Variants in ITPR2 observed in about 807,000 individuals in gnomAD.
ITPR2 encodes inositol 1,4,5-trisphosphate-gated calcium channel ITPR2.
Under a neutral mutation model 317.1 loss-of-function variants are expected in ITPR2, and 207 were observed. That is an observed-to-expected ratio of 0.65 (90% CI 0.58 to 0.73). ITPR2 has a LOEUF of 0.73. Ranked by LOEUF, ITPR2 falls within the 30% of genes least tolerant of loss-of-function variation. The pLI, the probability that ITPR2 is intolerant of heterozygous loss-of-function variation, is 0.00. For missense variants in ITPR2, 2,613 were observed against 3,284.0 expected (o/e 0.80, Z 4.99); for synonymous variants, 1,156 against 1,149.1 (o/e 1.01, Z -0.12).
chr12:26,589,845 TATATATATACACACAC>T (rs1945650458), intron 32 of ITPR2, among the ~76,000 whole-genome samples: 9 of 29,292 alleles, frequency 3.1e-4, no homozygotes, highest in Admixed American at 4.4e-4. Flanking sequence ...TATATATATA[TATATATATACACACAC>T]ACACACACAC....
At chr12:26,795,150 G>C (rs543550914) in intron 1 of ITPR2, among the ~76,000 whole-genome samples, 1 of 152,210 alleles carries the variant, frequency 6.6e-6, no homozygotes, top group South Asian at 2.1e-4. Flanking sequence ...GCCATATCTA[G>C]AAACTCAACA....
At chr12:26,585,243 T>C (rs995705092) in intron 32 of ITPR2, among the ~76,000 whole-genome samples, 1 of 152,218 alleles carries the variant, frequency 6.6e-6, no homozygotes, top group African/African-American at 2.4e-5. Context: ...TTCTAGATTA[T>C]GTGTTTCACA....
chr12:26,830,704 TA>T (rs1240470521), intron 1 of ITPR2, among the ~76,000 whole-genome samples: 4 of 152,066 alleles, frequency 2.6e-5, no homozygotes, highest in Non-Finnish European at 4.4e-5. Flanking sequence ...AATTAGACAC[TA>T]AAAAAAAGTT....
chr12:26,493,151 C>G (rs780010889), intron 39 of ITPR2, among the ~76,000 whole-genome samples: 2 of 152,106 alleles, frequency 1.3e-5, no homozygotes, highest in African/African-American at 4.8e-5. Context: ...ATTTTAAACA[C>G]TTTCTTTTCT....
chr12:26,440,677 T>C (rs1301294472), intron 46 of ITPR2, among the ~76,000 whole-genome samples: 1 of 152,108 alleles, frequency 6.6e-6, no homozygotes, highest in African/African-American at 2.4e-5. Context: ...AAATCAATTG[T>C]ACAAAATAAT....
In ITPR2 at chr12:26,652,250, G is replaced by A. The variant is rs1363955808; in HGVS notation, c.2740+1726C>T. ...ATGAATGTTTATTTTTCTACTTACA[G>A]TAACTAGCATTTGCACTGTCCCCTC... On this transcript the variant is annotated intron_variant, in intron 21 of 56. Coordinates refer to ENST00000381340, the MANE Select transcript of ITPR2 (RefSeq NM_002223.4). Among the ~76,000 whole-genome samples the A allele has an allele frequency of 2.6e-5, 4 of 152,292 alleles. No individual in the cohort carries two copies. The East Asian group carries it at 5.8e-4, about 22-fold the overall frequency.
chr12:26,518,719 T>G (rs1943592830), intron 37 of ITPR2, among the ~76,000 whole-genome samples: 1 of 152,132 alleles, frequency 6.6e-6, no homozygotes, highest in Non-Finnish European at 1.5e-5. Flanking sequence ...CAAACAGAAC[T>G]AATTTTTAAA....
intron 1 of ITPR2, among the ~76,000 whole-genome samples, chr12:26,797,217 T>C (rs902571937): frequency 2.0e-5 from 3 of 152,148 alleles, no homozygotes; most frequent in African/African-American, 7.2e-5. Context: ...TAGATGCATA[T>C]ATAGGCTACA....
At chr12:26,791,514 C>T (rs1325464549) in intron 1 of ITPR2, among the ~76,000 whole-genome samples, 1 of 152,128 alleles carries the variant, frequency 6.6e-6, no homozygotes, top group Non-Finnish European at 1.5e-5. Flanking sequence ...TGGAAGCAGA[C>T]ACTTCCTAAA....
At chr12:26,669,072 G>A (rs1947690900) in intron 13 of ITPR2, among the ~76,000 whole-genome samples, 1 of 152,024 alleles carries the variant, frequency 6.6e-6, no homozygotes, top group Non-Finnish European at 1.5e-5. Context: ...TGAGCTGTGT[G>A]ATTGCACCAC....
chr12:26,634,451 T>C (rs1172361768), intron 21 of ITPR2, among the ~76,000 whole-genome samples: 1 of 152,246 alleles, frequency 6.6e-6, no homozygotes, highest in Non-Finnish European at 1.5e-5. Flanking sequence ...ATAATATAAA[T>C]TCTCTGAACA....
chr12:26,695,326 A>T (rs1419976705), intron 10 of ITPR2, among the ~76,000 whole-genome samples: 1 of 152,170 alleles, frequency 6.6e-6, no homozygotes, highest in Admixed American at 6.6e-5. Flanking sequence ...AAAAAGGGTA[A>T]ATAAAACTAA....
intron 13 of ITPR2, 57 bp from the exon 14 acceptor site, chr12:26,666,108 TATAG>T: frequency 8.1e-7 from 1 of 1,241,086 alleles, no homozygotes; most frequent in Non-Finnish European, 1.1e-6. Flanking sequence ...TTGGAAAATG[TATAG>T]ATAGATGATA....
Position 26,556,566 on chromosome 12 carries a change from T to TTTGTG in ITPR2, c.4822-192_4822-191insCACAA, listed in dbSNP as rs370599538. ...ATTGCCTGGGTCTCTATTTTTTTTTTTGTGTGTGTGTGTGTGTGTGTGTGT... is the reference window on the plus strand; with the variant it reads ...ATTGCCTGGGTCTCTATTTTTTTTTTTTGTGTGTGTGTGTGTGTGTGTGTGTGTGT... On this transcript the variant is annotated intron_variant, in intron 35 of 56. Transcript: ENST00000381340. Among the ~76,000 whole-genome samples the TTTGTG allele has an allele frequency of 3.2e-3, 442 of 136,248 alleles. 2 individuals carry two copies. Among genetic ancestry groups the TTTGTG allele is most frequent in the African/African-American group, 0.01 (368 of 35,302 alleles). The allele number at this position is 136,248 out of a possible 152,430, so 89.4% of individuals were successfully genotyped here. A position where few individuals can be genotyped will look rare whatever the true frequency, so the allele number is the denominator to read the frequency against.
Position 26,366,423 on chromosome 12 carries a change from A to G in ITPR2, c.7857+21011T>C, listed in dbSNP as rs191807393. Among the ~76,000 whole-genome samples the G allele has an allele frequency of 1.5e-4, 23 of 152,236 alleles. No individual in the cohort carries two copies. The East Asian group carries it at 4.1e-3, about 27-fold the overall frequency. On this transcript the variant is annotated intron_variant, in intron 55 of 56. Transcript: ENST00000381340. ...CAGATTGTGTTTGTATTTTTCAGGG[A>G]CGTCTTTACCAAGAATCACCCAACT...
chr12:26,720,736 G>T (rs993621304), intron 5 of ITPR2, among the ~76,000 whole-genome samples: 1 of 152,186 alleles, frequency 6.6e-6, no homozygotes, highest in African/African-American at 2.4e-5. Context: ...CACCAAGATT[G>T]AGTGTTTGGG....
intron 39 of ITPR2, among the ~76,000 whole-genome samples, chr12:26,491,839 C>T (rs112722063): frequency 2.6e-5 from 4 of 152,080 alleles, no homozygotes; most frequent in South Asian, 2.1e-4. Context: ...AGGAGCAGTG[C>T]GTGTATGGAG....
intron 51 of ITPR2, 28 bp from the exon 52 acceptor site, chr12:26,411,440 A>C: frequency 2.1e-6 from 3 of 1,435,722 alleles, no homozygotes; most frequent in Non-Finnish European, 2.9e-6. Context: ...AGTATATAAT[A>C]TAGAGTCAAA....
At chr12:26,825,307 G>A (rs970482396) in intron 1 of ITPR2, among the ~76,000 whole-genome samples, 6 of 152,112 alleles carry the variant, frequency 3.9e-5, no homozygotes, top group African/African-American at 1.2e-4. Context: ...TGGTTATAAC[G>A]CAGTGATCTA....
Sources: allele counts gnomAD v4.1 joint callset (sites outside exome capture counted in the v4.1 genomes callset), GRCh38; gene constraint gnomAD v4.1.1; transcripts MANE v1.5; gene names NCBI Gene and HGNC (gene_info 2026-07-23, HGNC 2026-07-21).